LRCH2: variants seen among roughly 807,000 people sequenced by gnomAD.
The protein encoded by LRCH2 is leucine rich repeats and calponin homology domain containing 2.
Under a neutral mutation model 68.9 loss-of-function variants are expected in LRCH2, and 38 were observed. The ratio of observed to expected loss-of-function variants is 0.55; its 90% CI spans 0.43 to 0.72. The LOEUF (loss-of-function observed/expected upper bound fraction) is 0.72. LRCH2 is among the 30% of genes least tolerant of loss of function. The pLI, the probability that LRCH2 is intolerant of heterozygous loss-of-function variation, is 0.00. For missense variants in LRCH2, 528 were observed against 572.9 expected, an observed-to-expected ratio of 0.92 and a Z score of 0.80; for synonymous variants, 191 against 208.1, an observed-to-expected ratio of 0.92 and a Z score of 0.71.
intron 1 of LRCH2, among the ~76,000 whole-genome samples, chrX:115,195,381 A>T (rs2072879987): frequency 9.2e-6 from 1 of 109,044 alleles, no homozygotes; most frequent in African/African-American, 3.3e-5. Flanking sequence ...AATTAGAGAG[A>T]TCAAGAATGG....
intron 5 of LRCH2, among the ~76,000 whole-genome samples, chrX:115,178,814 G>A (rs1556551627): frequency 8.9e-6 from 1 of 112,301 alleles, no homozygotes; most frequent in Non-Finnish European, 1.9e-5. Context: ...ACTGCTACTT[G>A]CTCCTCAGCC....
chrX:115,141,821 C>T (rs1310374072), intron 14 of LRCH2, among the ~76,000 whole-genome samples: 6 of 104,529 alleles, frequency 5.7e-5, no homozygotes, highest in Admixed American at 1.0e-4. Flanking sequence ...CTGCAGTGAG[C>T]CGAGATCATG....
intron 11 of LRCH2, among the ~76,000 whole-genome samples, chrX:115,159,128 T>C (rs1279106754): frequency 9.0e-6 from 1 of 111,545 alleles, no homozygotes; most frequent in Non-Finnish European, 1.9e-5. Flanking sequence ...CAATTTTATT[T>C]TATTTTGGTA....
At chrX:115,169,563 A>T (rs367951655) in intron 6 of LRCH2, among the ~76,000 whole-genome samples, 11 of 111,793 alleles carry the variant, frequency 9.8e-5, no homozygotes, top group African/African-American at 3.6e-4. Context: ...TGTGCTGTTA[A>T]CAATAGTACT....
chrX:115,212,696 G>T (rs989492842), intron 1 of LRCH2, among the ~76,000 whole-genome samples: 8 of 109,290 alleles, frequency 7.3e-5, no homozygotes, highest in African/African-American at 2.7e-4. Flanking sequence ...CTTGGGTGGG[G>T]GCAGTGGCTC....
Position 115,231,074 on chromosome X carries a change from C to A in LRCH2, c.349+2619G>T, listed in dbSNP as rs782666527. On this transcript the variant is annotated intron_variant, in intron 1 of 20. Transcript: ENST00000317135. Reference sequence around the variant, plus strand: ...CATTTATTTTGAAATGTATTAATTTCTCCTTATTCAATATTGTTTCACCCA... The same window carrying A: ...CATTTATTTTGAAATGTATTAATTTATCCTTATTCAATATTGTTTCACCCA... 4.8e-4 allele frequency among the ~76,000 whole-genome samples: 54 copies of A among 111,371 alleles called. No homozygotes were observed. The South Asian group carries it at 6.8e-3, about 14-fold the overall frequency.
chrX:115,161,098 A>G (rs1556541425), intron 11 of LRCH2, among the ~76,000 whole-genome samples: 1 of 111,587 alleles, frequency 9.0e-6, no homozygotes, highest in Non-Finnish European at 1.9e-5. Context: ...CACGCCTGTA[A>G]TCCCAGCACT....
At chrX:115,204,859 G>A (rs782230287) in intron 1 of LRCH2, among the ~76,000 whole-genome samples, 20 of 111,469 alleles carry the variant, frequency 1.8e-4, no homozygotes, top group Non-Finnish European at 2.4e-4. Flanking sequence ...CCTCCAAACC[G>A]TTCCAACCTC....
chrX:115,203,901 T>C (rs1173002972), intron 1 of LRCH2, among the ~76,000 whole-genome samples: 2 of 112,398 alleles, frequency 1.8e-5, no homozygotes, highest in East Asian at 5.6e-4. Context: ...ACTGCCCCAA[T>C]GGGGACTCTG....
At chrX:115,149,752 T>C in intron 14 of LRCH2, 75 bp downstream of exon 14, 1 of 620,853 alleles carries the variant, frequency 1.6e-6, no homozygotes, top group Non-Finnish European at 2.4e-6. Context: ...CAGTCTACCT[T>C]ATTAACTCAA....
At chrX:115,147,810 G>A (rs187672997) in intron 14 of LRCH2, among the ~76,000 whole-genome samples, 1 of 110,878 alleles carries the variant, frequency 9.0e-6, no homozygotes, top group African/African-American at 3.3e-5. Context: ...CAGCACTTTG[G>A]GGGGGCCTAG....
At chrX:115,189,397 G>C in intron 1 of LRCH2, 1 of 1,135,948 alleles carries the variant, frequency 8.8e-7, no homozygotes, top group Non-Finnish European at 1.2e-6. Flanking sequence ...GAACTGCCGC[G>C]TCATCACTTC....
intron 12 of LRCH2, among the ~76,000 whole-genome samples, chrX:115,150,374 C>T (rs1418928707): frequency 9.1e-6 from 1 of 110,396 alleles, no homozygotes; most frequent in Non-Finnish European, 1.9e-5. Context: ...AAAGGACAGA[C>T]AGGATATTTA....
At chrX:115,154,320 CCTT>C (rs1210923315) in intron 12 of LRCH2, among the ~76,000 whole-genome samples, 1 of 111,622 alleles carries the variant, frequency 9.0e-6, no homozygotes, top group Non-Finnish European at 1.9e-5. Flanking sequence ...ATTTCAATAA[CCTT>C]CTCTTACTAA....
intron 5 of LRCH2, among the ~76,000 whole-genome samples, chrX:115,175,243 T>A (rs2072638079): frequency 9.0e-6 from 1 of 111,162 alleles, no homozygotes; most frequent in Admixed American, 9.5e-5. Flanking sequence ...CCCCTGTCTC[T>A]CACCTCCTCA....
Position 115,165,459 on chromosome X carries a change from T to C in LRCH2, c.1301A>G (p.Lys434Arg), listed in dbSNP as rs1556544181. Residue 434 changes from lysine to arginine, a missense_variant, in exon 10 of 21, where the codon AAA becomes AGA. Transcript: ENST00000317135. Reference sequence around the variant, plus strand: ...CCGAGATTTTTCAGAACATTTTTCTTTTCCCTTATATAAAAGAAAGTTACA... The same window carrying C: ...CCGAGATTTTTCAGAACATTTTTCTCTTCCCTTATATAAAAGAAAGTTACA... ...IGSFVSFFKG[K>R]EKCSEKSRKN... 2.7e-6 allele frequency: 3 copies of C among 1,126,294 alleles called. No homozygotes were observed. The allele number at this position is 1,126,294 out of a possible 1,213,427, so 92.8% of individuals were successfully genotyped here.
intron 1 of LRCH2, among the ~76,000 whole-genome samples, chrX:115,203,536 T>C (rs73224804): frequency 1.0e-3 from 115 of 112,554 alleles, no homozygotes; most frequent in Middle Eastern, 4.6e-3. Flanking sequence ...ACTTCCTATA[T>C]ACAATGGGGG....
intron 1 of LRCH2, among the ~76,000 whole-genome samples, chrX:115,225,838 A>G (rs2073115155): frequency 1.8e-5 from 2 of 112,253 alleles, no homozygotes; most frequent in South Asian, 7.4e-4. Flanking sequence ...ACATCTGAAG[A>G]AAGGTTAACA....
chrX:115,130,218 A>C lies in LRCH2; in HGVS notation c.1696-19T>G. On this transcript the variant is annotated intron_variant, in intron 14 of 20. Transcript: ENST00000317135. ...ATTTATACTGAAAAATATTTAAAAC[A>C]CATAATTTATTTTCCCTTGAACATA... is the stretch of plus-strand genomic sequence containing the variant. 1.1e-6 allele frequency: 1 copy of C among 906,053 alleles called. No individual in the cohort carries two copies. Among genetic ancestry groups the C allele is most frequent in the Non-Finnish European group, 1.5e-6 (1 of 651,712 alleles). The allele number at this position is 906,053 out of a possible 1,213,427, so 74.7% of individuals were successfully genotyped here. A position where few individuals can be genotyped will look rare whatever the true frequency, so the allele number is the denominator to read the frequency against.
Sources: allele counts gnomAD v4.1 joint callset (sites outside exome capture counted in the v4.1 genomes callset), GRCh38; gene constraint gnomAD v4.1.1; transcripts MANE v1.5; gene names NCBI Gene and HGNC (gene_info 2026-07-23, HGNC 2026-07-21).